ZNF177: variants seen among roughly 807,000 people sequenced by gnomAD.
The protein encoded by ZNF177 is zinc finger protein 177.
ZNF177 carries 17 observed loss-of-function variants against 19.4 expected under a neutral mutation model. The observed-to-expected ratio is 0.87, with a 90% CI of 0.60 to 1.31. ZNF177 has a LOEUF of 1.31. Ranked by LOEUF, ZNF177 falls within the 40% of genes most tolerant of loss-of-function variation. ZNF177 has a pLI of 0.00. For synonymous variants in ZNF177, 220 were observed against 188.7 expected (o/e 1.17, Z -1.36); for missense variants, 633 against 561.8 (o/e 1.13, Z -1.28).
Position 9,380,338 on chromosome 19 carries a change from C to CAGAGAATAACCACAAGT in ZNF177, c.336+201_336+217dup, listed in dbSNP as rs376864712. The stretch of plus-strand genomic sequence containing the variant: ...ACCTAGGTTAACACTTGCTGGCTCA[C>CAGAGAATAACCACAAGT]AGAGAATAACCACAAGTAAACATCT... On this transcript the variant is annotated intron_variant, in intron 5 of 5. Coordinates refer to ENST00000589262, the Ensembl canonical transcript of ZNF177. Among the ~76,000 whole-genome samples the CAGAGAATAACCACAAGT allele has an allele frequency of 7.0e-3, 1,067 of 152,136 alleles. 8 individuals are homozygous for CAGAGAATAACCACAAGT. Among genetic ancestry groups the CAGAGAATAACCACAAGT allele is most frequent in the Admixed American group, 0.011 (167 of 15,290 alleles).
intron 5 of ZNF177, among the ~76,000 whole-genome samples, 195 bp downstream of exon 7, chr19:9,380,334 C>T (rs2068175693): frequency 3.3e-5 from 5 of 152,088 alleles, no homozygotes; most frequent in Admixed American, 3.3e-4. Flanking sequence ...CACTTGCTGG[C>T]TCACAGAGAA....
intron 5 of ZNF177, 174 bp from the exon 8 acceptor site, chr19:9,380,494 T>C (rs919259625): frequency 1.5e-6 from 2 of 1,309,130 alleles, no homozygotes; most frequent in Admixed American, 4.4e-5. Context: ...AGTGAGCTTA[T>C]TCAACTCGAA....
At chr19:9,381,018 G>C (rs779816263) in exon 6 of ZNF177, 2 of 1,589,078 alleles carry the variant, frequency 1.3e-6, no homozygotes. Context: ...CTACTGGAGA[G>C]AAAGGTGATG....
intron 2 of ZNF177, among the ~76,000 whole-genome samples, chr19:9,371,177 C>A (rs994218286): frequency 1.3e-5 from 2 of 152,162 alleles, no homozygotes; most frequent in Non-Finnish European, 2.9e-5. Context: ...CACCACTACT[C>A]CATTATCCCA....
chr19:9,373,055 ACAT>A (rs2068067600), upstream of ZNF177, among the ~76,000 whole-genome samples: 1 of 152,184 alleles, frequency 6.6e-6, no homozygotes, highest in Non-Finnish European at 1.5e-5. Context: ...AATATACAGT[ACAT>A]CATTAACTAT....
In ZNF177 at chr19:9,381,561, C is replaced by A. The variant is rs1479290713; in HGVS notation, c.1230C>A (p.Tyr410Ter). 4.3e-6 allele frequency: 7 copies of A among 1,613,876 alleles called. No homozygotes were observed. The highest frequency in any genetic ancestry group is 3.3e-5 in the Admixed American group (2 of 59,998). The change falls in exon 6 of 6, where the codon TAC (tyrosine) becomes TAA (stop). Residue 410 changes from tyrosine to a stop codon, truncating the protein, a stop_gained. Coordinates refer to ENST00000589262, the Ensembl canonical transcript of ZNF177. LOFTEE classifies it low-confidence loss of function (END_TRUNC). Reference sequence around the variant, plus strand: ...GAAAGTCCTTCAGCACAGGCTCTTACCTTATTGTGCACAAGAGAACTCACA... The same window carrying A: ...GAAAGTCCTTCAGCACAGGCTCTTAACTTATTGTGCACAAGAGAACTCACA...
At chr19:9,381,862 C>G in exon 6 of ZNF177, 3 of 1,506,760 alleles carry the variant, frequency 2.0e-6, no homozygotes, top group Non-Finnish European at 2.6e-6. Flanking sequence ...GTTATGGTCA[C>G]CTGGAAACAG....
intron 2 of ZNF177, among the ~76,000 whole-genome samples, chr19:9,369,508 T>C (rs564173024): frequency 2.1e-4 from 32 of 152,258 alleles, no homozygotes; most frequent in Non-Finnish European, 4.0e-4. Flanking sequence ...GTGCATCTAA[T>C]GAAATAACAT....
chr19:9,379,553 A>G, exon 4 of ZNF177: 1 of 1,613,962 alleles, frequency 6.2e-7, no homozygotes, highest in Non-Finnish European at 8.5e-7. Context: ...ACACAGTCTG[A>G]TCTCCAAGGT....
upstream of ZNF177, among the ~76,000 whole-genome samples, chr19:9,375,902 T>C (rs2068103236): frequency 6.6e-6 from 1 of 152,204 alleles, no homozygotes; most frequent in South Asian, 2.1e-4. Context: ...ACTTTGGGCT[T>C]AGCTGCTGCT....
upstream of ZNF177, chr19:9,371,755 T>C (rs964926300): frequency 1.3e-5 from 2 of 151,732 alleles, no homozygotes; most frequent in African/African-American, 4.9e-5. Context: ...ACCCAAAGGT[T>C]AGTGTCTTTC....
At chr19:9,378,999 C>T in exon 3 of ZNF177, 2 of 1,609,382 alleles carry the variant, frequency 1.2e-6, no homozygotes, top group South Asian at 1.1e-5. Flanking sequence ...GTGGACTTTT[C>T]CCAGGAGGAG....
intron 2 of ZNF177, chr19:9,378,665 T>C: frequency 1.8e-6 from 1 of 547,818 alleles, no homozygotes. Flanking sequence ...CTGTCTATAC[T>C]GGATCTGAAT....
chr19:9,381,322 A>C (rs1419898023), exon 6 of ZNF177: 84 of 1,614,022 alleles, frequency 5.2e-5, no homozygotes, highest in Non-Finnish European at 6.4e-5. Context: ...GAATGTGCAC[A>C]AAAGAACTCA....
exon 6 of ZNF177, chr19:9,381,896 C>T: frequency 7.0e-7 from 1 of 1,432,450 alleles, no homozygotes; most frequent in Non-Finnish European, 9.3e-7. Flanking sequence ...CTCTGGATGC[C>T]TGTTATACTG....
intron 4 of ZNF177, 101 bp from the exon 7 acceptor site, chr19:9,379,956 A>G: frequency 7.5e-7 from 1 of 1,338,926 alleles, no homozygotes; most frequent in South Asian, 1.5e-5. Flanking sequence ...TTCTCTACTT[A>G]GAAGATATTA....
chr19:9,381,237 CAT>C lies in ZNF177; in HGVS notation c.907_908del (p.Met303GlufsTer10). On this transcript the variant is annotated frameshift_variant, in exon 6 of 6. Coordinates refer to ENST00000589262, the Ensembl canonical transcript of ZNF177. LOFTEE classifies it low-confidence loss of function (END_TRUNC). The stretch of plus-strand genomic sequence containing the variant: ...TTTTTCAGTCTTCCCTTAAGAAACA[CAT>C]GAGATCTCATACTGGAGAGAAGCCT... 2 of 1,614,168 alleles carry C rather than the reference CAT, an allele frequency of 1.2e-6. No individual in the cohort carries two copies.
In ZNF177 at chr19:9,380,797, G is replaced by GTCTTCAA; in HGVS notation, c.467_473dup (p.His159LeufsTer8). ...CTATAAATATATAAAGTATAGCAAA[G>GTCTTCAA]TCTTCAACCATCCCTCAACTCTTAG... On this transcript the variant is annotated frameshift_variant, in exon 6 of 6. Coordinates refer to ENST00000589262, the Ensembl canonical transcript of ZNF177. LOFTEE classifies it low-confidence loss of function (END_TRUNC). The GTCTTCAA allele has an allele frequency of 1.3e-6, 2 of 1,536,094 alleles. No homozygotes were observed. The highest frequency in any genetic ancestry group is 1.7e-6 in the Non-Finnish European group (2 of 1,146,884).
upstream of ZNF177, among the ~76,000 whole-genome samples, chr19:9,375,601 C>T (rs2068098832): frequency 6.6e-6 from 1 of 151,944 alleles, no homozygotes; most frequent in South Asian, 2.1e-4. Context: ...CTAGGTTATC[C>T]AATTTTTTGG....
Sources: gnomAD v4.1 joint callset for allele counts (sites outside exome capture counted in the v4.1 genomes callset) on GRCh38, gnomAD v4.1.1 for gene constraint, MANE v1.5 for transcripts, NCBI Gene and HGNC (gene_info 2026-07-23, HGNC 2026-07-21) for gene names.